Variants in EXOC4 observed in about 807,000 individuals in gnomAD.
EXOC4 encodes SEC8-like 1.
Under a neutral mutation model 107.2 loss-of-function variants are expected in EXOC4, and 71 were observed. The ratio of observed to expected loss-of-function variants is 0.66; its 90% confidence interval spans 0.55 to 0.81. The LOEUF (loss-of-function observed/expected upper bound fraction) is 0.81, where lower values mean the gene tolerates loss of function less well. Ranked by LOEUF, EXOC4 falls within the 30% of genes least tolerant of loss-of-function variation. The pLI, the probability that EXOC4 is intolerant of heterozygous loss-of-function variation, is 0.00. For missense variants in EXOC4, 1,108 were observed against 1,189.6 expected (o/e 0.93, Z 1.01); for synonymous variants, 456 against 441.2 (o/e 1.03, Z -0.42).
chr7:133,265,957 AT>A (rs1793721332), intron 1 of EXOC4, among the ~76,000 whole-genome samples: 1 of 152,220 alleles, frequency 6.6e-6, no homozygotes, highest in African/African-American at 2.4e-5. Flanking sequence ...GACTGATAAC[AT>A]TTATCTTGAA....
At chr7:133,563,888 C>T (rs1327743652) in intron 9 of EXOC4, among the ~76,000 whole-genome samples, 3 of 152,170 alleles carry the variant, frequency 2.0e-5, no homozygotes, top group Non-Finnish European at 4.4e-5. Flanking sequence ...TTGACACTGG[C>T]CACTTTGTCC....
chr7:133,989,427 G>A (rs944730523), intron 14 of EXOC4, among the ~76,000 whole-genome samples: 1 of 152,142 alleles, frequency 6.6e-6, no homozygotes, highest in African/African-American at 2.4e-5. Context: ...GAACATATTG[G>A]CAAGTAAGGA....
At chr7:133,873,101 G>T (rs968586707) in intron 11 of EXOC4, among the ~76,000 whole-genome samples, 18 of 152,204 alleles carry the variant, frequency 1.2e-4, no homozygotes, top group African/African-American at 4.3e-4. Flanking sequence ...TTTGAGGCAG[G>T]AGTTTGAGAT....
chr7:134,046,606 T>G (rs1344774799), intron 17 of EXOC4, among the ~76,000 whole-genome samples: 1 of 151,820 alleles, frequency 6.6e-6, no homozygotes, highest in Non-Finnish European at 1.5e-5. Flanking sequence ...ATACAGGTAG[T>G]AAGTACGTGG....
intron 10 of EXOC4, among the ~76,000 whole-genome samples, chr7:133,638,465 CTGA>C (rs1356919013): frequency 1.3e-5 from 2 of 152,232 alleles, no homozygotes; most frequent in African/African-American, 2.4e-5. Flanking sequence ...CAGCTTAATG[CTGA>C]TGATTATCAT....
chr7:133,769,173 A>G (rs114909340), intron 10 of EXOC4, among the ~76,000 whole-genome samples: 366 of 152,180 alleles, frequency 2.4e-3, no homozygotes, highest in African/African-American at 8.4e-3. Context: ...TCATTTACAA[A>G]TAAGTTGGTT....
chr7:133,871,423 A>C (rs1350428806), intron 11 of EXOC4, among the ~76,000 whole-genome samples: 1 of 152,102 alleles, frequency 6.6e-6, no homozygotes, highest in African/African-American at 2.4e-5. Flanking sequence ...CCTGCCAGTC[A>C]TGAGTGATTG....
intron 7 of EXOC4, among the ~76,000 whole-genome samples, chr7:133,398,489 C>T (rs1467036261): frequency 6.6e-6 from 1 of 152,068 alleles, no homozygotes; most frequent in African/African-American, 2.4e-5. Flanking sequence ...GCATGTAAAC[C>T]TTTTTCCTAT....
chr7:133,985,730 A>G (rs758733030), intron 14 of EXOC4, among the ~76,000 whole-genome samples: 3 of 152,186 alleles, frequency 2.0e-5, no homozygotes, highest in South Asian at 2.1e-4. Context: ...ATTCATCTCT[A>G]TATTTTGTCT....
At chr7:133,555,842 C>A (rs1022580384) in intron 9 of EXOC4, among the ~76,000 whole-genome samples, 2 of 152,146 alleles carry the variant, frequency 1.3e-5, no homozygotes, top group Admixed American at 1.3e-4. Flanking sequence ...TGGCCAGATA[C>A]ATTAGGTTGT....
chr7:133,413,593 A>G (rs1010848969), intron 7 of EXOC4, among the ~76,000 whole-genome samples: 4 of 152,142 alleles, frequency 2.6e-5, no homozygotes, highest in Admixed American at 6.6e-5. Context: ...CAAGTGACTC[A>G]ATTTTTATAA....
At chr7:133,608,850 A>G (rs965752670) in intron 9 of EXOC4, among the ~76,000 whole-genome samples, 17 of 151,646 alleles carry the variant, frequency 1.1e-4, no homozygotes, top group African/African-American at 4.1e-4. Flanking sequence ...CCCAACCTTA[A>G]CCGGTGTATT....
intron 11 of EXOC4, 93 bp from the exon 12 acceptor site, chr7:133,895,506 T>G: frequency 7.8e-7 from 1 of 1,282,168 alleles, no homozygotes; most frequent in Non-Finnish European, 1.1e-6. Flanking sequence ...AGAGCTCAGG[T>G]ACCTTAAATT....
In EXOC4 at chr7:133,867,976, T is replaced by C. The variant is rs192725889; in HGVS notation, c.1735-27623T>C. On this transcript the variant is annotated intron_variant, in intron 11 of 17. Coordinates refer to ENST00000253861, the MANE Select transcript of EXOC4 (RefSeq NM_021807.4). ...CGTGAATCTGAGGTTATTTCATTAA[T>C]GTGGTAAGCAAATGATTGCCAAGAA... Among the ~76,000 whole-genome samples, 51 of 152,378 alleles carry C rather than the reference T, an allele frequency of 3.3e-4. 1 individual carries two copies. The highest frequency in any genetic ancestry group is 1.0e-3 in the African/African-American group (42 of 41,596).
rs1204619737 is a variant in EXOC4, at chr7:133,480,114, T to A, written c.1393T>A (p.Tyr465Asn). ...AYLREQRREL[Y>N]SRSGELQGGP... ...TCTGCGAGAACAGAGAAGGGAGCTCTATAGTCGGAGTGGAGAACTGCAAGG... is the reference window on the plus strand; with the variant it reads ...TCTGCGAGAACAGAGAAGGGAGCTCAATAGTCGGAGTGGAGAACTGCAAGG... Residue 465 changes from tyrosine (Y) to asparagine (N), a missense_variant, in exon 9 of 18, where the codon TAT becomes AAT. Coordinates refer to ENST00000253861, the MANE Select transcript of EXOC4 (RefSeq NM_021807.4). 1 of 1,613,924 alleles carries A rather than the reference T, an allele frequency of 6.2e-7. No homozygotes were observed. Among genetic ancestry groups the A allele is most frequent in the East Asian group, 2.2e-5 (1 of 44,882 alleles).
intron 10 of EXOC4, among the ~76,000 whole-genome samples, chr7:133,782,950 T>A (rs1219570748): frequency 1.3e-5 from 2 of 152,158 alleles, no homozygotes; most frequent in African/African-American, 4.8e-5. Context: ...AAGACCCAAA[T>A]GTCAAGACAG....
chr7:133,742,538 G>A (rs1056577134), intron 10 of EXOC4, among the ~76,000 whole-genome samples: 95 of 152,138 alleles, frequency 6.2e-4, no homozygotes, highest in Admixed American at 6.0e-3. Flanking sequence ...GGATTTATGA[G>A]AAACCAAAAA....
intron 9 of EXOC4, among the ~76,000 whole-genome samples, chr7:133,615,045 T>G (rs897138046): frequency 3.3e-5 from 5 of 152,160 alleles, no homozygotes; most frequent in African/African-American, 9.7e-5. Flanking sequence ...TGACTTCTTT[T>G]ATGACATGGA....
intron 9 of EXOC4, among the ~76,000 whole-genome samples, chr7:133,587,924 T>C (rs144332991): frequency 1.0e-3 from 152 of 152,344 alleles, no homozygotes; most frequent in African/African-American, 3.4e-3. Context: ...GGTTTTTTTT[T>C]CCCCTTAGGG....
Sources: gnomAD v4.1 joint callset for allele counts (sites outside exome capture counted in the v4.1 genomes callset) on GRCh38, gnomAD v4.1.1 for gene constraint, MANE v1.5 for transcripts, NCBI Gene and HGNC (gene_info 2026-07-23, HGNC 2026-07-21) for gene names.